SHANK2: variants seen among roughly 807,000 people sequenced by gnomAD.
The protein encoded by SHANK2 is SH3 and multiple ankyrin repeat domains protein 2.
SHANK2 carries 43 observed loss-of-function variants against 133.7 expected under a neutral mutation model. The ratio of observed to expected loss-of-function variants is 0.32; its 90% CI spans 0.25 to 0.41. The LOEUF is 0.41. Ranked by LOEUF, SHANK2 falls within the 10% of genes least tolerant of loss-of-function variation. The probability of loss-of-function intolerance (pLI) is 1.00; values close to 1 mark genes in which losing one functional copy is unlikely to be tolerated. For missense variants in SHANK2, 1,994 were observed against 2,235.8 expected (o/e 0.89, Z 2.18); for synonymous variants, 1,017 against 952.8 (o/e 1.07, Z -1.24).
intron 14 of SHANK2, among the ~76,000 whole-genome samples, chr11:70,757,255 A>G (rs1555039133): frequency 6.6e-6 from 1 of 152,226 alleles, no homozygotes; most frequent in Non-Finnish European, 1.5e-5. Context: ...GAGCTGGCTG[A>G]CCTTGAGCAA....
At position 70,500,778 on chromosome 11, in the gene SHANK2, T is replaced by G; in HGVS notation, c.2288-188A>C. 1 of 780,380 alleles carries G rather than the reference T, an allele frequency of 1.3e-6. No individual in the cohort carries two copies. Among genetic ancestry groups the G allele is most frequent in the South Asian group, 1.5e-5 (1 of 68,040 alleles). 48.3% of individuals were successfully genotyped at this position (780,380 alleles called of 1,614,324 possible). A position where few individuals can be genotyped will look rare whatever the true frequency, so the allele number is the denominator to read the frequency against. ...TCCATGGAGTGGCTTTCCCCAAACC[T>G]TGGCTGCCCGCACAACTCTGTCCTG... On this transcript the variant is annotated intron_variant, in intron 20 of 25. Transcript: ENST00000601538. The surrounding 1 kb of genome is among the most constrained non-coding windows in gnomAD (Gnocchi z 4.5).
rs1313354143 is a variant in SHANK2 at position 70,569,887 on chromosome 11, C to T, written c.2062-66956G>A. 7.2e-5 allele frequency among the ~76,000 whole-genome samples: 11 copies of T among 151,754 alleles called. No individual in the cohort carries two copies. The highest frequency in any genetic ancestry group is 1.9e-4 in the East Asian group (1 of 5,154). ...GGAGGTCAGTACGAGGAGACGGGGA[C>T]GACGGTACAGAGCAAGACAGAGACA... On this transcript the variant is annotated intron_variant, in intron 17 of 25. Coordinates refer to ENST00000601538, the MANE Select transcript of SHANK2 (RefSeq NM_012309.5). This position sits in a 1 kb window ranked among gnomAD's most constrained non-coding sequence, Gnocchi z 5.1.
intron 14 of SHANK2, among the ~76,000 whole-genome samples, chr11:70,789,410 C>T (rs960626331): frequency 1.3e-5 from 2 of 152,154 alleles, no homozygotes; most frequent in Non-Finnish European, 2.9e-5. Flanking sequence ...GGGGCCTATT[C>T]TTAAATGCAG....
chr11:70,475,240 G>C (rs539662695), intron 25 of SHANK2: 1 of 152,212 alleles, frequency 6.6e-6, no homozygotes. Flanking sequence ...TCCTGAGCTC[G>C]TCTCAAACCT....
At position 70,951,867 on chromosome 11, in the gene SHANK2, T is replaced by C. The variant is rs1590868575; in HGVS notation, c.1108-55300A>G. Among the ~76,000 whole-genome samples the C allele has an allele frequency of 3.9e-5, 6 of 152,366 alleles. No individual in the cohort carries two copies. The East Asian group carries it at 1.2e-3, about 29-fold the overall frequency. Reference sequence around the variant, plus strand: ...CATCACTCCAATCTTGGCCTCCATCTTCACGTGGCGTTCTAACCCTTGTGT... The same window carrying C: ...CATCACTCCAATCTTGGCCTCCATCCTCACGTGGCGTTCTAACCCTTGTGT... On this transcript the variant is annotated intron_variant, in intron 10 of 25. Transcript: ENST00000601538.
At chr11:70,541,553 G>C (rs1554975181) in intron 17 of SHANK2, among the ~76,000 whole-genome samples, 3 of 152,168 alleles carry the variant, frequency 2.0e-5, no homozygotes, top group African/African-American at 7.2e-5. Context: ...CCTCTGGGCA[G>C]GCAGGGGTGA....
intron 22 of SHANK2, 64 bp from the exon 23 acceptor site, chr11:70,490,451 C>T (rs2058870990): frequency 4.4e-6 from 6 of 1,365,456 alleles, no homozygotes; most frequent in East Asian, 4.6e-5. Flanking sequence ...GGTCACAGGG[C>T]CCAGAGACCA....
At chr11:71,066,155 G>T (rs1158668183) in intron 9 of SHANK2, among the ~76,000 whole-genome samples, 1,936 of 34,646 alleles carry the variant, frequency 0.056, 59 homozygotes, top group Non-Finnish European at 0.064. Context: ...GGGTGGGGGG[G>T]GTGCAGAACT....
intron 3 of SHANK2, among the ~76,000 whole-genome samples, chr11:71,131,883 C>T (rs1430729360): frequency 2.0e-5 from 3 of 152,168 alleles, no homozygotes; most frequent in South Asian, 2.1e-4. Context: ...CGCATTAGCA[C>T]CCCCAGGCCC....
intron 17 of SHANK2, among the ~76,000 whole-genome samples, chr11:70,545,733 C>T (rs924618116): frequency 6.6e-6 from 1 of 152,236 alleles, no homozygotes; most frequent in Non-Finnish European, 1.5e-5. Context: ...TCAATTCTGA[C>T]AGTACCTCCC....
At chr11:71,091,844 G>A (rs1228803933) in intron 8 of SHANK2, among the ~76,000 whole-genome samples, 1 of 152,114 alleles carries the variant, frequency 6.6e-6, no homozygotes, top group Admixed American at 6.5e-5. Context: ...GCTCTTCTAT[G>A]GGGTCCTCAG....
At chr11:70,888,524 A>C (rs1949782697) in intron 11 of SHANK2, among the ~76,000 whole-genome samples, 1 of 152,212 alleles carries the variant, frequency 6.6e-6, no homozygotes. Context: ...GGTCAAGAAC[A>C]GAGAGTAGGG....
At chr11:70,723,541 A>AC (rs1381304700) in intron 14 of SHANK2, among the ~76,000 whole-genome samples, 3 of 152,150 alleles carry the variant, frequency 2.0e-5, no homozygotes, top group Non-Finnish European at 1.5e-5. Flanking sequence ...ATGCAGCCCA[A>AC]CTCACAGGCT....
At chr11:70,484,972 C>T (rs61885886) in intron 25 of SHANK2, among the ~76,000 whole-genome samples, 38,042 of 151,956 alleles carry the variant, frequency 0.25, 4,904 homozygotes, top group South Asian at 0.32. Flanking sequence ...AGGCTCTAAA[C>T]GGCCTTCTAG....
chr11:70,804,253 G>A lies in SHANK2; in HGVS notation c.1663+2749C>T, dbSNP rs1053220524. ...GGCTCTGCAGGCAGTGGATCGGCTC[G>A]ACCCGCCCGCCTCTAAGCACTGCCA... On this transcript the variant is annotated intron_variant, in intron 13 of 25. Coordinates refer to ENST00000601538, the MANE Select transcript of SHANK2 (RefSeq NM_012309.5). This position sits in a 1 kb window ranked among gnomAD's most constrained non-coding sequence, Gnocchi z 4.1. Among the ~76,000 whole-genome samples the A allele has an allele frequency of 1.3e-4, 19 of 151,224 alleles. No homozygotes were observed. The highest frequency in any genetic ancestry group is 3.6e-4 in the African/African-American group (15 of 41,476).
chr11:70,469,594 C>A lies in SHANK2; in HGVS notation c.*3275G>T, dbSNP rs1381822696. ...AACAGCAACATAGATAATGCGAACA[C>A]GTGTTGTTACACAAACTATAGTGTG... On this transcript the variant is annotated 3_prime_UTR_variant, in exon 26 of 26. Transcript: ENST00000601538. 6.6e-6 allele frequency: 1 copy of A among 150,778 alleles called. No individual in the cohort carries two copies. Among genetic ancestry groups the A allele is most frequent in the Non-Finnish European group, 1.5e-5 (1 of 67,872 alleles). The allele number at this position is 150,778 out of a possible 1,614,324, so 9.3% of individuals were successfully genotyped here.
At chr11:70,488,017 C>T (rs1222502014) in intron 24 of SHANK2, among the ~76,000 whole-genome samples, 4 of 152,204 alleles carry the variant, frequency 2.6e-5, no homozygotes, top group African/African-American at 9.7e-5. Flanking sequence ...GCAGGAGGGC[C>T]CCTGACGCTG....
At chr11:70,712,056 C>G (rs919218725) in intron 14 of SHANK2, among the ~76,000 whole-genome samples, 1 of 152,126 alleles carries the variant, frequency 6.6e-6, no homozygotes, top group African/African-American at 2.4e-5. Context: ...GAAGTTAGGG[C>G]GTTTGTGGAG....
chr11:70,694,456 G>A (rs1461149632), intron 15 of SHANK2, among the ~76,000 whole-genome samples: 1 of 152,196 alleles, frequency 6.6e-6, no homozygotes, highest in Non-Finnish European at 1.5e-5. Flanking sequence ...CACTTCCCAT[G>A]GCATTTTCTC....
Sources: allele counts gnomAD v4.1 joint callset (sites outside exome capture counted in the v4.1 genomes callset), GRCh38; gene constraint gnomAD v4.1.1; non-coding constraint Gnocchi (gnomAD v3.1); transcripts MANE v1.5; gene names NCBI Gene and HGNC (gene_info 2026-07-23, HGNC 2026-07-21).